BANP: variants seen among roughly 807,000 people sequenced by gnomAD.
BANP encodes the protein protein BANP.
Under a neutral mutation model 68.1 loss-of-function variants are expected in BANP, and 11 were observed. That is an observed-to-expected ratio of 0.16 (90% confidence interval 0.10 to 0.27). The LOEUF (loss-of-function observed/expected upper bound fraction) is 0.27. BANP is among the 10% of genes least tolerant of loss of function. The pLI, the probability that BANP is intolerant of heterozygous loss-of-function variation, is 1.00. For missense variants in BANP, 504 were observed against 722.7 expected (o/e 0.70, Z 3.47); for synonymous variants, 329 against 303.2 (o/e 1.09, Z -0.88).
intron 11 of BANP, among the ~76,000 whole-genome samples, chr16:88,054,211 ACCC>A (rs1167546408): frequency 9.0e-6 from 1 of 111,276 alleles, no homozygotes; most frequent in East Asian, 2.2e-4. Context: ...AACGACTACC[ACCC>A]CCACCTCCTT....
chr16:88,041,194 C>G (rs1201347915), intron 11 of BANP, among the ~76,000 whole-genome samples: 1 of 152,236 alleles, frequency 6.6e-6, no homozygotes, highest in East Asian at 1.9e-4. Context: ...TTTTCAGAAT[C>G]AGTGGACAGC....
intron 11 of BANP, among the ~76,000 whole-genome samples, chr16:88,040,271 T>C (rs78893878): frequency 5.3e-5 from 7 of 132,452 alleles, no homozygotes; most frequent in Non-Finnish European, 1.1e-4. Context: ...TTTTTTTTTT[T>C]CCATCATTTG....
At chr16:88,056,773 C>A (rs578068355) in intron 11 of BANP, among the ~76,000 whole-genome samples, 1 of 152,288 alleles carries the variant, frequency 6.6e-6, no homozygotes, top group South Asian at 2.1e-4. Context: ...AAAGGTTATT[C>A]ATTTCTTTTA....
Position 87,984,137 on chromosome 16 carries a change from T to C in BANP, c.240T>C (p.Ala80=). 1 of 1,612,438 alleles carries C rather than the reference T, an allele frequency of 6.2e-7. No individual in the cohort carries two copies. Among genetic ancestry groups the C allele is most frequent in the Non-Finnish European group, 8.5e-7 (1 of 1,179,050 alleles). The part of the protein sequence containing the change: ...SIEAKLQALE[A]TCKSLEEKLD... ...AAGCCAAATTGCAAGCCCTGGAGGC[T>C]ACTTGTAAATCCTTAGAAGAAAAGC... The change falls in exon 4 of 14, where the codon GCT becomes GCC. Residue 80 remains alanine (A), a synonymous_variant. Coordinates refer to ENST00000682872, the MANE Select transcript of BANP (RefSeq NM_001386991.1).
rs2090228967 is a variant in BANP, at chr16:88,071,248, G to A, written c.1378-821G>A. 8.5e-6 allele frequency: 3 copies of A among 354,610 alleles called. No individual in the cohort carries two copies. The highest frequency in any genetic ancestry group is 2.1e-5 in the South Asian group (1 of 47,910). 22.0% of individuals were successfully genotyped at this position (354,610 alleles called of 1,614,324 possible). ...CCCGTAGTGGGGTGCAACCCCAAGT[G>A]AAGACCCCGTGGCTCATGTCAAGTG... On this transcript the variant is annotated intron_variant, in intron 12 of 13. Coordinates refer to ENST00000682872, the MANE Select transcript of BANP (RefSeq NM_001386991.1). This position sits in a 1 kb window ranked among gnomAD's most constrained non-coding sequence, Gnocchi z 6.5.
chr16:88,062,385 A>G (rs1378307690), intron 11 of BANP, among the ~76,000 whole-genome samples: 1 of 152,208 alleles, frequency 6.6e-6, no homozygotes, highest in Admixed American at 6.5e-5. Context: ...AGGAAACCAG[A>G]TGTGTGTGCT....
intron 7 of BANP, among the ~76,000 whole-genome samples, chr16:88,021,981 T>C (rs1441036544): frequency 6.6e-6 from 1 of 151,990 alleles, no homozygotes; most frequent in Admixed American, 6.6e-5. Flanking sequence ...AATGAGGAAA[T>C]GAGGTTATTG....
At chr16:88,049,766 A>G (rs1163228865) in intron 11 of BANP, among the ~76,000 whole-genome samples, 3 of 152,118 alleles carry the variant, frequency 2.0e-5, no homozygotes, top group Non-Finnish European at 4.4e-5. Context: ...CACTCCAGGA[A>G]TGGAGAGTGC....
chr16:87,994,790 A>G (rs1486182983), intron 4 of BANP, among the ~76,000 whole-genome samples: 2 of 152,208 alleles, frequency 1.3e-5, no homozygotes, highest in Non-Finnish European at 2.9e-5. Flanking sequence ...TAAAATAAAA[A>G]GCCCCTCAAA....
At chr16:87,980,755 C>T (rs576205056) in intron 2 of BANP, 2 of 396,014 alleles carry the variant, frequency 5.1e-6, no homozygotes, top group South Asian at 5.7e-5. Context: ...AACAGGGCAG[C>T]CCCGCAGAGC....
chr16:87,957,307 TGAG>T lies in BANP; in HGVS notation c.-69+5797_-69+5799del, dbSNP rs1355692202. Among the ~76,000 whole-genome samples the T allele has an allele frequency of 6.6e-6, 1 of 152,142 alleles. No individual in the cohort carries two copies. The highest frequency in any genetic ancestry group is 1.5e-5 in the Non-Finnish European group (1 of 68,020). On this transcript the variant is annotated intron_variant, in intron 1 of 13. Transcript: ENST00000682872. The surrounding 1 kb of genome is among the most constrained non-coding windows in gnomAD (Gnocchi z 4.3). Reference sequence around the variant, plus strand: ...GAAGGACACATGGAGCAGAGGCGGCTGAGGAGGTGAAAGGCTGAGAGGAGGCTG... The same window carrying T: ...GAAGGACACATGGAGCAGAGGCGGCTGAGGTGAAAGGCTGAGAGGAGGCTG...
chr16:87,950,180 ATT>A (rs1404338624), upstream of BANP, among the ~76,000 whole-genome samples: 2 of 152,092 alleles, frequency 1.3e-5, no homozygotes, highest in African/African-American at 2.4e-5. Flanking sequence ...CCCGGCCAGC[ATT>A]TTCTTTTTCC....
rs1045882169 is a variant in BANP at position 88,064,949 on chromosome 16, T to G, written c.1312-318T>G. Among the ~76,000 whole-genome samples, 1 of 152,252 alleles carries G rather than the reference T, an allele frequency of 6.6e-6. No homozygotes were observed. The highest frequency in any genetic ancestry group is 2.4e-5 in the African/African-American group (1 of 41,470). On this transcript the variant is annotated intron_variant, in intron 11 of 13. Coordinates refer to ENST00000682872, the MANE Select transcript of BANP (RefSeq NM_001386991.1). The surrounding 1 kb of genome is among the most constrained non-coding windows in gnomAD (Gnocchi z 4.5). The stretch of plus-strand genomic sequence containing the variant: ...TTCTCCTCCAATTTTGTTTTGGCTT[T>G]TAAAAACTCCTACAGTACAAACTCT...
At chr16:87,968,054 A>G (rs1177984936) in intron 1 of BANP, among the ~76,000 whole-genome samples, 2 of 149,704 alleles carry the variant, frequency 1.3e-5, no homozygotes, top group Non-Finnish European at 3.0e-5. Flanking sequence ...ACGCCTGGCC[A>G]GAAAAGGTTC....
intron 5 of BANP, among the ~76,000 whole-genome samples, chr16:88,005,751 C>T (rs2070851610): frequency 6.6e-6 from 1 of 152,204 alleles, no homozygotes; most frequent in Non-Finnish European, 1.5e-5. Context: ...TCCCTTTAAC[C>T]TCGCCGGAAA....
At position 88,036,422 on chromosome 16, in the gene BANP, C is replaced by G. The variant is rs189314365; in HGVS notation, c.1272+1028C>G. 1.3e-5 allele frequency among the ~76,000 whole-genome samples: 2 copies of G among 152,284 alleles called. No individual in the cohort carries two copies. Among genetic ancestry groups the G allele is most frequent in the African/African-American group, 2.4e-5 (1 of 41,544 alleles). The stretch of plus-strand genomic sequence containing the variant: ...TGTGGGGGAGCAGAGGAGAGAGAAG[C>G]CCTGCCATCGGGGACTCACAGCGGG... On this transcript the variant is annotated intron_variant, in intron 10 of 13. Coordinates refer to ENST00000682872, the MANE Select transcript of BANP (RefSeq NM_001386991.1). This position sits in a 1 kb window ranked among gnomAD's most constrained non-coding sequence, Gnocchi z 4.2.
chr16:87,978,893 C>T (rs2062727396), intron 2 of BANP, among the ~76,000 whole-genome samples: 3 of 152,218 alleles, frequency 2.0e-5, no homozygotes, highest in South Asian at 4.1e-4. Flanking sequence ...CAACTCGGCC[C>T]CAGCTCAGGG....
In BANP at chr16:88,004,447, C is replaced by T. The variant is rs1208670195; in HGVS notation, c.479+36C>T. On this transcript the variant is annotated intron_variant, in intron 5 of 13. Transcript: ENST00000682872. This position sits in a 1 kb window ranked among gnomAD's most constrained non-coding sequence, Gnocchi z 7.0. ...CGGCACCAACCCCACCTTTCCCTGC[C>T]ACTGTGCGGAGTCCCATGAGAATAA... The T allele has an allele frequency of 2.5e-6, 3 of 1,193,762 alleles. No individual in the cohort carries two copies. The highest frequency in any genetic ancestry group is 3.6e-6 in the Non-Finnish European group (3 of 838,518). 73.9% of individuals were successfully genotyped at this position (1,193,762 alleles called of 1,614,324 possible).
rs775203446 is a variant in BANP at position 88,004,843 on chromosome 16, C to T, written c.479+432C>T. ...TGACTTTTTTCTTATACCTTTTTCT[C>T]TTGAGACATTTTGAATGGAACTTTG... On this transcript the variant is annotated intron_variant, in intron 5 of 13. Transcript: ENST00000682872. This position sits in a 1 kb window ranked among gnomAD's most constrained non-coding sequence, Gnocchi z 7.0. Among the ~76,000 whole-genome samples the T allele has an allele frequency of 2.0e-5, 3 of 152,148 alleles. No homozygotes were observed. Among genetic ancestry groups the T allele is most frequent in the Non-Finnish European group, 4.4e-5 (3 of 68,022 alleles).
Sources: gnomAD v4.1 joint callset for allele counts (sites outside exome capture counted in the v4.1 genomes callset) on GRCh38, gnomAD v4.1.1 for gene constraint, Gnocchi (gnomAD v3.1) non-coding constraint, MANE v1.5 for transcripts, NCBI Gene and HGNC (gene_info 2026-07-23, HGNC 2026-07-21) for gene names.